AK7: variants seen among roughly 807,000 people sequenced by gnomAD.
AK7 encodes the protein adenylate kinase 7.
In AK7, 78 loss-of-function variants were observed where a neutral mutation model predicts 96.6. The ratio of observed to expected loss-of-function variants is 0.81; its 90% CI spans 0.67 to 0.97. The LOEUF (loss-of-function observed/expected upper bound fraction) is 0.97, where lower values mean the gene tolerates loss of function less well. Among genes scored for constraint, AK7 ranks in the 50% least tolerant of loss-of-function variants. The pLI, the probability that AK7 is intolerant of heterozygous loss-of-function variation, is 0.00. For missense variants in AK7, 855 were observed against 887.9 expected (o/e 0.96, Z 0.47); for synonymous variants, 302 against 317.2 (o/e 0.95, Z 0.51).
intron 10 of AK7, among the ~76,000 whole-genome samples, chr14:96,453,835 G>A (rs1056699505): frequency 4.6e-5 from 7 of 152,260 alleles, no homozygotes; most frequent in East Asian, 1.9e-4. Context: ...CCCTTGGTCC[G>A]TGGACAAATG....
At position 96,404,883 on chromosome 14, in the gene AK7, T is replaced by G. The variant is rs1482423483; in HGVS notation, c.403+18T>G. The G allele has an allele frequency of 6.4e-7, 1 of 1,557,492 alleles. No individual in the cohort carries two copies. Among genetic ancestry groups the G allele is most frequent in the South Asian group, 1.1e-5 (1 of 88,296 alleles). On this transcript the variant is annotated intron_variant, in intron 3 of 17. Coordinates refer to ENST00000267584, the MANE Select transcript of AK7 (RefSeq NM_152327.5). ...AGTCTCTGGTCAGTGAGGTGTACTC[T>G]TTTATCTCCAGGGATGCTATTGTAG... is the stretch of plus-strand genomic sequence containing the variant.
At chr14:96,415,979 A>G (rs1734631915) in intron 4 of AK7, among the ~76,000 whole-genome samples, 3 of 152,154 alleles carry the variant, frequency 2.0e-5, no homozygotes, top group Admixed American at 2.0e-4. Context: ...TGATTCAACC[A>G]AATACTCCAG....
At chr14:96,450,490 G>A (rs1045949769) in intron 9 of AK7, among the ~76,000 whole-genome samples, 1 of 149,778 alleles carries the variant, frequency 6.7e-6, no homozygotes, top group Non-Finnish European at 1.5e-5. Context: ...TACGTAAAAT[G>A]CCATTCGAAC....
chr14:96,458,366 T>A (rs1375879942), intron 12 of AK7, among the ~76,000 whole-genome samples, 154 bp downstream of exon 12: 3 of 149,268 alleles, frequency 2.0e-5, no homozygotes, highest in Non-Finnish European at 4.5e-5. Flanking sequence ...GAGTCTGAGG[T>A]GGGAGGATCA....
chr14:96,469,516 T>A (rs1236851796), intron 12 of AK7, among the ~76,000 whole-genome samples: 1 of 151,864 alleles, frequency 6.6e-6, no homozygotes, highest in East Asian at 1.9e-4. Context: ...CGGATGAGAC[T>A]CTGTCTCAAA....
intron 2 of AK7, among the ~76,000 whole-genome samples, chr14:96,401,384 A>G (rs953409277): frequency 6.6e-6 from 1 of 152,170 alleles, no homozygotes; most frequent in Non-Finnish European, 1.5e-5. Flanking sequence ...TGGAGCCTCC[A>G]TTAGCACAAA....
chr14:96,432,828 CA>C (rs569057680), intron 5 of AK7, among the ~76,000 whole-genome samples: 57,472 of 125,862 alleles, frequency 0.46, 11,695 homozygotes, highest in Middle Eastern at 0.55. Flanking sequence ...ACTAAAAATA[CA>C]AAAAAAAAAA....
Position 96,423,667 on chromosome 14 carries a change from G to A in AK7, c.609+2735G>A, listed in dbSNP as rs1891845117. On this transcript the variant is annotated intron_variant, in intron 5 of 17. Coordinates refer to ENST00000267584, the MANE Select transcript of AK7 (RefSeq NM_152327.5). ...TGGAGAACACAGCTCGGGGCCTCCAGGACGGTTCAGGTCGCCGAGCTGCCC... is the reference window on the plus strand; with the variant it reads ...TGGAGAACACAGCTCGGGGCCTCCAAGACGGTTCAGGTCGCCGAGCTGCCC... 6.2e-6 allele frequency: 4 copies of A among 646,586 alleles called. No individual in the cohort carries two copies. In the East Asian group the frequency reaches 1.4e-4, roughly 22 times the overall value. The allele number at this position is 646,586 out of a possible 1,614,324, so 40.1% of individuals were successfully genotyped here.
intron 5 of AK7, among the ~76,000 whole-genome samples, chr14:96,431,472 T>C (rs1267451338): frequency 1.3e-5 from 2 of 152,248 alleles, no homozygotes; most frequent in African/African-American, 4.8e-5. Flanking sequence ...TTTGTTCTCA[T>C]TGATTTCAAA....
intron 5 of AK7, among the ~76,000 whole-genome samples, chr14:96,423,070 G>A (rs1256765273): frequency 6.6e-6 from 1 of 152,162 alleles, no homozygotes; most frequent in East Asian, 1.9e-4. Flanking sequence ...CTGATAAGCG[G>A]TCAGCTAGTA....
chr14:96,484,704 C>G (rs1381267805), intron 16 of AK7, among the ~76,000 whole-genome samples: 4 of 152,198 alleles, frequency 2.6e-5, no homozygotes, highest in Admixed American at 6.5e-5. Context: ...CCTGTCACAT[C>G]CCCTTTTATA....
chr14:96,474,418 G>T (rs1895063465), intron 14 of AK7, among the ~76,000 whole-genome samples: 1 of 150,166 alleles, frequency 6.7e-6, no homozygotes, highest in Non-Finnish European at 1.5e-5. Context: ...AGACCAGCCT[G>T]GGCAACATAG....
chr14:96,408,912 A>G lies in AK7; in HGVS notation c.469A>G (p.Thr157Ala). Residue 157 changes from threonine to alanine, a missense_variant, in exon 4 of 18, where the codon ACT becomes GCT. By Grantham distance (58) the Thr-to-Ala change is moderately conservative. Transcript: ENST00000267584. Reference sequence around the variant, plus strand: ...ATTTATTTTACTGTCGACGGTGATGACTTGGGCGCGCTCCAAAGCCCTGGA... The same window carrying G: ...ATTTATTTTACTGTCGACGGTGATGGCTTGGGCGCGCTCCAAAGCCCTGGA... Reference protein sequence around the residue: ...KLFILLSTVMTWARSKALDPE... With the variant: ...KLFILLSTVMAWARSKALDPE... 6.2e-7 allele frequency: 1 copy of G among 1,614,230 alleles called. No individual in the cohort carries two copies. Among genetic ancestry groups the G allele is most frequent in the Non-Finnish European group, 8.5e-7 (1 of 1,180,036 alleles).
chr14:96,475,994 A>G (rs928083499), intron 14 of AK7, among the ~76,000 whole-genome samples: 1 of 151,940 alleles, frequency 6.6e-6, no homozygotes, highest in African/African-American at 2.4e-5. Flanking sequence ...AAAAAAGAAA[A>G]AAAAAAAGAA....
In AK7 at chr14:96,404,385, G is replaced by A. The variant is rs145260164; in HGVS notation, c.295-372G>A. Among the ~76,000 whole-genome samples, 209 of 152,262 alleles carry A rather than the reference G, an allele frequency of 1.4e-3. 1 individual carries two copies. Among genetic ancestry groups the A allele is most frequent in the African/African-American group, 4.6e-3 (193 of 41,574 alleles). On this transcript the variant is annotated intron_variant, in intron 2 of 17. Coordinates refer to ENST00000267584, the MANE Select transcript of AK7 (RefSeq NM_152327.5). Reference sequence around the variant, plus strand: ...ATTCATCAGCACTTCTGAGTGATTCGTGGTATATAATTGCTCAAATAATCT... The same window carrying A: ...ATTCATCAGCACTTCTGAGTGATTCATGGTATATAATTGCTCAAATAATCT...
chr14:96,460,787 G>A (rs925837327), intron 12 of AK7, among the ~76,000 whole-genome samples: 17 of 152,282 alleles, frequency 1.1e-4, no homozygotes, highest in African/African-American at 3.4e-4. Context: ...GCCAGCTTAA[G>A]GAGGGTTCAC....
intron 10 of AK7, among the ~76,000 whole-genome samples, chr14:96,453,007 G>A (rs1418659797): frequency 1.3e-5 from 2 of 152,210 alleles, no homozygotes; most frequent in African/African-American, 4.8e-5. Context: ...AATGGCGTAT[G>A]TGAGTAACAG....
At chr14:96,414,995 C>A (rs146958472) in intron 4 of AK7, among the ~76,000 whole-genome samples, 89 of 151,982 alleles carry the variant, frequency 5.9e-4, no homozygotes, top group African/African-American at 1.9e-3. Context: ...GCTCAATTAA[C>A]CCACCTGCCT....
Position 96,449,829 on chromosome 14 carries a change from A to G in AK7, c.898A>G (p.Lys300Glu). 6.2e-7 allele frequency: 1 copy of G among 1,611,680 alleles called. No individual in the cohort carries two copies. Among genetic ancestry groups the G allele is most frequent in the Non-Finnish European group, 8.5e-7 (1 of 1,178,700 alleles). The change falls in exon 9 of 18, where the codon AAA becomes GAA. Residue 300 changes from lysine (K) to glutamate (E), a missense_variant. Lys to Glu is a moderately conservative substitution (Grantham distance 56, BLOSUM62 1). Transcript: ENST00000267584. ...TATCAGTAAAAATACTGGCCCTGGGAAAATCCAGAAAATACCCAGAGAAAA... is the reference window on the plus strand; with the variant it reads ...TATCAGTAAAAATACTGGCCCTGGGGAAATCCAGAAAATACCCAGAGAAAA... ...KCISKNTGPG[K>E]IQKIPRENAY...
Sources: allele counts gnomAD v4.1 joint callset (sites outside exome capture counted in the v4.1 genomes callset), GRCh38; gene constraint gnomAD v4.1.1; transcripts MANE v1.5; gene names NCBI Gene and HGNC (gene_info 2026-07-23, HGNC 2026-07-21).